The following PACSIN2 variants were observed in gnomAD, a reference collection of about 807,000 sequenced individuals.
The protein encoded by PACSIN2 is protein kinase C and casein kinase substrate in neurons protein 2.
PACSIN2 carries 25 observed loss-of-function variants against 63.8 expected under a neutral mutation model. The observed-to-expected ratio is 0.39, with a 90% CI of 0.29 to 0.55. The LOEUF is 0.55. Among genes scored for constraint, PACSIN2 ranks in the 20% least tolerant of loss-of-function variants. The pLI is 0.62. For synonymous variants in PACSIN2, 255 were observed against 256.2 expected (o/e 1.00, Z 0.05); for missense variants, 518 against 646.9 (o/e 0.80, Z 2.16).
chr22:42,970,364 G>C (rs1014570997), intron 1 of PACSIN2, among the ~76,000 whole-genome samples: 1 of 152,222 alleles, frequency 6.6e-6, no homozygotes, highest in Admixed American at 6.5e-5. Context: ...CAAGGACCTG[G>C]ATGGGATCCT....
intron 1 of PACSIN2, among the ~76,000 whole-genome samples, chr22:42,984,611 C>T (rs1171683066): frequency 6.6e-6 from 1 of 152,142 alleles, no homozygotes; most frequent in African/African-American, 2.4e-5. Flanking sequence ...GTTCCTGGTG[C>T]AAAAACTACT....
At chr22:42,897,544 T>C (rs1378891539) in intron 2 of PACSIN2, among the ~76,000 whole-genome samples, 3 of 152,240 alleles carry the variant, frequency 2.0e-5, no homozygotes, top group African/African-American at 7.2e-5. Context: ...GAACCAGGTA[T>C]GAAGCTATGT....
chr22:42,948,168 C>T (rs551325750), intron 1 of PACSIN2, among the ~76,000 whole-genome samples: 23 of 152,216 alleles, frequency 1.5e-4, no homozygotes, highest in African/African-American at 4.8e-4. Flanking sequence ...TGCAGGGTCC[C>T]GCTGGTCCTG....
intron 6 of PACSIN2, among the ~76,000 whole-genome samples, chr22:42,884,039 C>T (rs1340931404): frequency 6.6e-6 from 1 of 150,554 alleles, no homozygotes; most frequent in Non-Finnish European, 1.5e-5. Flanking sequence ...GATATGCCAG[C>T]TGCCTTGGTC....
intron 10 of PACSIN2, among the ~76,000 whole-genome samples, chr22:42,872,116 G>A (rs1222925633): frequency 6.6e-6 from 1 of 152,212 alleles, no homozygotes; most frequent in African/African-American, 2.4e-5. Flanking sequence ...ATCTTTGGTT[G>A]TTCCAACCTG....
At chr22:42,986,757 C>A (rs1922643794) in intron 1 of PACSIN2, among the ~76,000 whole-genome samples, 2 of 152,090 alleles carry the variant, frequency 1.3e-5, no homozygotes, top group Admixed American at 1.3e-4. Flanking sequence ...ACCCCACGTG[C>A]AAAGACCCTA....
intron 4 of PACSIN2, among the ~76,000 whole-genome samples, chr22:42,890,058 G>C (rs1245980061): frequency 5.4e-5 from 8 of 148,966 alleles, no homozygotes; most frequent in Non-Finnish European, 8.9e-5. Context: ...CTGGAGTGCA[G>C]TGGCGTGATC....
chr22:42,898,074 T>C (rs959513336), intron 2 of PACSIN2, among the ~76,000 whole-genome samples: 5 of 151,896 alleles, frequency 3.3e-5, no homozygotes, highest in Non-Finnish European at 2.9e-5. Context: ...GAAGGAAGAA[T>C]TGAGAGCAGC....
chr22:42,917,654 T>C (rs573678340), intron 1 of PACSIN2, among the ~76,000 whole-genome samples: 12 of 152,244 alleles, frequency 7.9e-5, no homozygotes, highest in African/African-American at 2.9e-4. Flanking sequence ...GAACACGCAC[T>C]GCTCTGCGGT....
At chr22:42,937,446 G>A (rs999760504) in intron 1 of PACSIN2, among the ~76,000 whole-genome samples, 4 of 152,042 alleles carry the variant, frequency 2.6e-5, no homozygotes, top group African/African-American at 9.7e-5. Context: ...AACGGGCACC[G>A]AAGACAAAAC....
At chr22:43,004,579 C>G (rs1315355284) in intron 1 of PACSIN2, among the ~76,000 whole-genome samples, 1 of 152,234 alleles carries the variant, frequency 6.6e-6, no homozygotes, top group Non-Finnish European at 1.5e-5. Flanking sequence ...TGTGGTTCCT[C>G]TGAAGACCAC....
chr22:42,888,465 G>T (rs1929651144), intron 5 of PACSIN2, among the ~76,000 whole-genome samples, 178 bp downstream of exon 5: 1 of 152,192 alleles, frequency 6.6e-6, no homozygotes, highest in African/African-American at 2.4e-5. Flanking sequence ...CAGTGGCTAT[G>T]GTGAGGCGAG....
At position 42,870,168 on chromosome 22, in the gene PACSIN2, G is replaced by A. The variant is rs568609402; in HGVS notation, c.*1189C>T. On this transcript the variant is annotated 3_prime_UTR_variant, in exon 11 of 11. Transcript: ENST00000263246. ...TCTGTTTGTGCACAAGTAACACGAC[G>A]ACTGAAATCTGCAACTACTGCAAAG... 3.1e-4 allele frequency: 47 copies of A among 152,292 alleles called. No homozygotes were observed. Among genetic ancestry groups the A allele is most frequent in the African/African-American group, 1.1e-3 (44 of 41,560 alleles). The allele number at this position is 152,292 out of a possible 1,614,324, so 9.4% of individuals were successfully genotyped here. A position where few individuals can be genotyped will look rare whatever the true frequency, so the allele number is the denominator to read the frequency against.
At chr22:42,976,884 G>A (rs1334715485) in intron 1 of PACSIN2, among the ~76,000 whole-genome samples, 1 of 152,190 alleles carries the variant, frequency 6.6e-6, no homozygotes, top group Non-Finnish European at 1.5e-5. Flanking sequence ...GTAAATGGCA[G>A]GACTGGGGCA....
chr22:42,978,700 G>C (rs1921871247), intron 1 of PACSIN2, among the ~76,000 whole-genome samples: 1 of 152,166 alleles, frequency 6.6e-6, no homozygotes. Context: ...ACGTTCAGGT[G>C]GACTCAGATC....
rs560814733 is a variant in PACSIN2 at position 42,917,098 on chromosome 22, C to T, written c.-77-4941G>A. ...GACACTGCGCCCCATGCACTACACG[C>T]GTGCACTCCATTTAGTCCTAACAAC... On this transcript the variant is annotated intron_variant, in intron 1 of 10. Coordinates refer to ENST00000263246, the MANE Select transcript of PACSIN2 (RefSeq NM_001184970.3). 1.1e-4 allele frequency among the ~76,000 whole-genome samples: 16 copies of T among 152,280 alleles called. No individual in the cohort carries two copies. The East Asian group carries it at 2.9e-3, about 28-fold the overall frequency.
intron 10 of PACSIN2, among the ~76,000 whole-genome samples, chr22:42,875,512 G>A (rs997418502): frequency 2.6e-5 from 4 of 151,558 alleles, no homozygotes; most frequent in Non-Finnish European, 5.9e-5. Flanking sequence ...TGGGACTACA[G>A]GCATGTGCCA....
chr22:42,976,553 G>GC (rs1921719003), intron 1 of PACSIN2, among the ~76,000 whole-genome samples: 1 of 152,294 alleles, frequency 6.6e-6, no homozygotes, highest in Admixed American at 6.5e-5. Context: ...CTGGGTGTTG[G>GC]CACCTATTTC....
At position 42,888,817 on chromosome 22, in the gene PACSIN2, C is replaced by T; in HGVS notation, c.454-19G>A. 1.2e-6 allele frequency: 2 copies of T among 1,613,564 alleles called. No homozygotes were observed. The highest frequency in any genetic ancestry group is 1.1e-5 in the South Asian group (1 of 91,054). On this transcript the variant is annotated intron_variant, in intron 4 of 10. Transcript: ENST00000263246. ...CTTCTACCTACAGGGAGAATGAGTT[C>T]CTGAATGCCATGTCACTGGGAGTTC...
Sources: gnomAD v4.1 joint callset for allele counts (sites outside exome capture counted in the v4.1 genomes callset) on GRCh38, gnomAD v4.1.1 for gene constraint, MANE v1.5 for transcripts, NCBI Gene and HGNC (gene_info 2026-07-23, HGNC 2026-07-21) for gene names.